Variants in ACSF2 observed in about 807,000 individuals in gnomAD.
The protein encoded by ACSF2 is acyl-CoA synthetase family member 2.
Under a neutral mutation model 79.3 loss-of-function variants are expected in ACSF2, and 52 were observed. The ratio of observed to expected loss-of-function variants is 0.66; its 90% CI spans 0.53 to 0.83. The LOEUF is 0.83. ACSF2 is among the 40% of genes least tolerant of loss of function. The probability of loss-of-function intolerance (pLI) is 0.00; values close to 1 mark genes in which losing one functional copy is unlikely to be tolerated. For synonymous variants in ACSF2, 283 were observed against 312.6 expected (o/e 0.91, Z 1.00); for missense variants, 661 against 803.3 (o/e 0.82, Z 2.14).
At chr17:50,470,129 G>A (rs1218565637) in intron 10 of ACSF2, 1 of 152,662 alleles carries the variant, frequency 6.6e-6, no homozygotes, top group Non-Finnish European at 1.5e-5. Flanking sequence ...GAAGCTTGGT[G>A]CAGGGAGGAG....
At chr17:50,468,257 A>C in intron 10 of ACSF2, 1 of 1,611,452 alleles carries the variant, frequency 6.2e-7, no homozygotes, top group Non-Finnish European at 8.5e-7. Context: ...CCCGGGCTGC[A>C]GGGAGCTCAA....
chr17:50,461,554 A>G (rs2032327278), intron 3 of ACSF2, 79 bp from the exon 4 acceptor site: 3 of 1,600,764 alleles, frequency 1.9e-6, no homozygotes, highest in Non-Finnish European at 2.6e-6. Flanking sequence ...TGCTGCCTCT[A>G]TGCCTCCTGG....
chr17:50,471,143 C>T lies in ACSF2; in HGVS notation c.1323+8C>T. On this transcript the variant is annotated splice_region_variant and intron_variant, in intron 11 of 15. Transcript: ENST00000300441. The surrounding 1 kb of genome is among the most constrained non-coding windows in gnomAD (Gnocchi z 4.1). ...ATTATGCCTCACACGGAGGTGAGCC[C>T]CTGACCAAGACTCCAAAGTCCCACC... The T allele has an allele frequency of 6.2e-7, 1 of 1,612,582 alleles. No individual in the cohort carries two copies. Among genetic ancestry groups the T allele is most frequent in the Non-Finnish European group, 8.5e-7 (1 of 1,178,666 alleles).
In ACSF2 at chr17:50,458,344, C is replaced by G. The variant is rs576677460; in HGVS notation, c.129-2333C>G. 3.0e-3 allele frequency among the ~76,000 whole-genome samples: 458 copies of G among 152,270 alleles called. 1 individual carries two copies. Among genetic ancestry groups the G allele is most frequent in the Non-Finnish European group, 4.6e-3 (315 of 68,014 alleles). On this transcript the variant is annotated intron_variant, in intron 1 of 15. Transcript: ENST00000300441. ...TCAGCTGGGTTCAAGTTCCAGTCAC[C>G]CTCCCGTTCTCACAGCACTCCCTTT...
At chr17:50,443,662 G>A (rs1229102622) in intron 1 of ACSF2, among the ~76,000 whole-genome samples, 1 of 152,090 alleles carries the variant, frequency 6.6e-6, no homozygotes, top group African/African-American at 2.4e-5. Flanking sequence ...CAGGCTGGGG[G>A]GCATGCTAAA....
intron 1 of ACSF2, among the ~76,000 whole-genome samples, chr17:50,451,241 G>C (rs2031658845): frequency 6.6e-6 from 1 of 152,138 alleles, no homozygotes; most frequent in Non-Finnish European, 1.5e-5. Context: ...CCTGGCCCAA[G>C]TTTTTGTTTG....
chr17:50,426,432 C>T, intron 1 of ACSF2, 43 bp downstream of exon 1: 4 of 1,282,328 alleles, frequency 3.1e-6, no homozygotes, highest in Non-Finnish European at 4.0e-6. Flanking sequence ...GGCAGTTCCC[C>T]GGGAGAGGAA....
intron 1 of ACSF2, among the ~76,000 whole-genome samples, chr17:50,443,967 A>C (rs1439281376): frequency 6.6e-6 from 1 of 152,172 alleles, no homozygotes; most frequent in East Asian, 1.9e-4. Flanking sequence ...TACAAGGATT[A>C]ACTCTTATTT....
Position 50,463,385 on chromosome 17 carries a change from CCAT to C in ACSF2, c.889-7_889-5del. The C allele has an allele frequency of 6.2e-7, 1 of 1,613,534 alleles. No individual in the cohort carries two copies. Among genetic ancestry groups the C allele is most frequent in the East Asian group, 2.2e-5 (1 of 44,874 alleles). On this transcript the variant is annotated splice_region_variant and splice_polypyrimidine_tract_variant and intron_variant, in intron 7 of 15. Transcript: ENST00000300441. The surrounding 1 kb of genome is among the most constrained non-coding windows in gnomAD (Gnocchi z 4.6). ...CCAAGACAGACCCAGCCTCCTGTCT[CCAT>C]CACCAGACACCAGAGCAGTTGCGGA...
chr17:50,448,878 G>A (rs1316836027), intron 1 of ACSF2, among the ~76,000 whole-genome samples: 1 of 152,020 alleles, frequency 6.6e-6, no homozygotes, highest in Non-Finnish European at 1.5e-5. Flanking sequence ...AACCCTCCCT[G>A]CATGTTCTTA....
At chr17:50,432,368 A>G (rs540109485) in intron 1 of ACSF2, among the ~76,000 whole-genome samples, 19 of 152,332 alleles carry the variant, frequency 1.2e-4, no homozygotes, top group African/African-American at 4.6e-4. Flanking sequence ...TTGTGTAATG[A>G]TGGCTTGGCC....
chr17:50,472,619 G>A, intron 12 of ACSF2, 40 bp downstream of exon 12: 1 of 1,563,014 alleles, frequency 6.4e-7, no homozygotes, highest in East Asian at 2.4e-5. Context: ...GGCCGCTGAG[G>A]GGAGGCTGGA....
At chr17:50,439,538 C>T (rs2030726063) in intron 1 of ACSF2, among the ~76,000 whole-genome samples, 1 of 152,170 alleles carries the variant, frequency 6.6e-6, no homozygotes, top group Admixed American at 6.6e-5. Context: ...CATGCTATTA[C>T]TATATCTCTA....
At chr17:50,449,355 A>C (rs547598221) in intron 1 of ACSF2, among the ~76,000 whole-genome samples, 1 of 149,144 alleles carries the variant, frequency 6.7e-6, no homozygotes, top group African/African-American at 2.5e-5. Flanking sequence ...TTTCACTTAT[A>C]AATGTTTTCA....
chr17:50,473,923 G>T lies in ACSF2; in HGVS notation c.1647G>T (p.Gly549=), dbSNP rs755116104. The T allele has an allele frequency of 4.4e-6, 7 of 1,579,560 alleles. No homozygotes were observed. The highest frequency in any genetic ancestry group is 5.2e-6 in the Non-Finnish European group (6 of 1,160,398). ...QVVGVKDDRM[G]EEICACIRLK... is the part of the protein sequence containing the mutation. ...TGGGAGTGAAGGACGATCGGATGGGGGAAGAGATTTGTGCCTGCATTCGGC... is the reference window on the plus strand; with the variant it reads ...TGGGAGTGAAGGACGATCGGATGGGTGAAGAGATTTGTGCCTGCATTCGGC... Residue 549 remains glycine, a synonymous_variant, in exon 14 of 16, where the codon GGG becomes GGT. Transcript: ENST00000300441.
At chr17:50,431,609 C>T (rs1339749089) in intron 1 of ACSF2, among the ~76,000 whole-genome samples, 1 of 152,228 alleles carries the variant, frequency 6.6e-6, no homozygotes, top group Non-Finnish European at 1.5e-5. Context: ...TTCCTCCCAT[C>T]TCAGCCTCCC....
intron 10 of ACSF2, chr17:50,465,459 C>G (rs1352303451): frequency 6.2e-7 from 1 of 1,612,626 alleles, no homozygotes; most frequent in East Asian, 2.2e-5. Context: ...CAGAAACTTG[C>G]TGGGGCTGGG....
intron 10 of ACSF2, 40 bp from the exon 11 acceptor site, chr17:50,470,988 G>A (rs770896849): frequency 6.8e-6 from 10 of 1,465,546 alleles, no homozygotes; most frequent in South Asian, 1.1e-5. Context: ...CCCTCTGCAC[G>A]TGCTGAGCCC....
At chr17:50,462,922 G>C in intron 6 of ACSF2, 3 of 585,926 alleles carry the variant, frequency 5.1e-6, no homozygotes, top group Non-Finnish European at 6.0e-6. Flanking sequence ...CCAGCTTGTG[G>C]GTGGCAGAGT....
Sources: gnomAD v4.1 joint callset for allele counts (sites outside exome capture counted in the v4.1 genomes callset) on GRCh38, gnomAD v4.1.1 for gene constraint, Gnocchi (gnomAD v3.1) non-coding constraint, MANE v1.5 for transcripts, NCBI Gene and HGNC (gene_info 2026-07-23, HGNC 2026-07-21) for gene names.